The following HS3ST4 variants were observed in gnomAD, a reference collection of about 807,000 sequenced individuals.
The protein encoded by HS3ST4 is heparan sulfate-glucosamine 3-sulfotransferase 4.
A neutral mutation model predicts 29.2 loss-of-function variants in HS3ST4; 17 were observed. The observed-to-expected ratio is 0.58, with a 90% CI of 0.40 to 0.87. The LOEUF (loss-of-function observed/expected upper bound fraction) is 0.87. HS3ST4 is among the 40% of genes least tolerant of loss of function. The pLI is 0.00. For synonymous variants in HS3ST4, 314 were observed against 285.7 expected (o/e 1.10, Z -1.00); for missense variants, 627 against 634.5 (o/e 0.99, Z 0.13).
intron 1 of HS3ST4, among the ~76,000 whole-genome samples, chr16:26,108,780 C>T (rs1365754146): frequency 6.6e-6 from 1 of 152,178 alleles, no homozygotes; most frequent in East Asian, 1.9e-4. Flanking sequence ...GCTAGGAACT[C>T]CTTGATGACA....
chr16:25,786,474 T>A (rs1480693792), intron 1 of HS3ST4, among the ~76,000 whole-genome samples: 1 of 152,202 alleles, frequency 6.6e-6, no homozygotes, highest in Admixed American at 6.5e-5. Flanking sequence ...GTTACCAAGA[T>A]CATTATCATT....
chr16:25,763,360 G>C (rs1305953615), intron 1 of HS3ST4, among the ~76,000 whole-genome samples: 1 of 152,178 alleles, frequency 6.6e-6, no homozygotes, highest in Non-Finnish European at 1.5e-5. Context: ...TGTCTCCCAA[G>C]TCTCCCCCTA....
intron 1 of HS3ST4, among the ~76,000 whole-genome samples, chr16:25,946,950 A>G (rs1968632279): frequency 6.6e-6 from 1 of 152,196 alleles, no homozygotes; most frequent in Non-Finnish European, 1.5e-5. Context: ...ATAACACCCA[A>G]TGTCCCAATG....
chr16:25,885,181 A>G (rs1354361792), intron 1 of HS3ST4, among the ~76,000 whole-genome samples: 1 of 152,208 alleles, frequency 6.6e-6, no homozygotes, highest in Non-Finnish European at 1.5e-5. Flanking sequence ...AAGTACCTTT[A>G]ATGTTTAGCT....
At chr16:26,072,884 G>A (rs1039473474) in intron 1 of HS3ST4, among the ~76,000 whole-genome samples, 2 of 152,146 alleles carry the variant, frequency 1.3e-5, no homozygotes, top group African/African-American at 4.8e-5. Flanking sequence ...TGATTCTGAC[G>A]ACTTGTTCAT....
intron 1 of HS3ST4, among the ~76,000 whole-genome samples, chr16:25,923,470 T>G (rs953707007): frequency 1.3e-5 from 2 of 152,228 alleles, no homozygotes; most frequent in Non-Finnish European, 1.5e-5. Flanking sequence ...TTGAGGCATC[T>G]ATCAAAAAGG....
At chr16:26,107,248 A>G (rs751419495) in intron 1 of HS3ST4, among the ~76,000 whole-genome samples, 4 of 151,822 alleles carry the variant, frequency 2.6e-5, no homozygotes, top group Non-Finnish European at 4.4e-5. Context: ...TTAACACAAA[A>G]CTACACACAC....
intron 1 of HS3ST4, among the ~76,000 whole-genome samples, chr16:25,974,028 C>T (rs1033633829): frequency 6.6e-6 from 1 of 152,188 alleles, no homozygotes; most frequent in Non-Finnish European, 1.5e-5. Context: ...TAAGCAGGGG[C>T]AGGTCACACT....
chr16:25,991,691 T>C (rs1489627477), intron 1 of HS3ST4, among the ~76,000 whole-genome samples: 4 of 152,196 alleles, frequency 2.6e-5, no homozygotes, highest in Admixed American at 1.3e-4. Flanking sequence ...CTCATGAGAC[T>C]GGCTAAAATT....
intron 1 of HS3ST4, among the ~76,000 whole-genome samples, chr16:26,027,356 C>T (rs1236424896): frequency 2.0e-5 from 3 of 152,178 alleles, no homozygotes; most frequent in Non-Finnish European, 2.9e-5. Flanking sequence ...GAACTACTTA[C>T]ATTCCATCTT....
chr16:25,988,060 C>G (rs1348370129), intron 1 of HS3ST4, among the ~76,000 whole-genome samples: 1 of 152,082 alleles, frequency 6.6e-6, no homozygotes, highest in Non-Finnish European at 1.5e-5. Context: ...TGAGCCACCG[C>G]TCCTGGCCAA....
intron 1 of HS3ST4, among the ~76,000 whole-genome samples, chr16:25,763,532 C>T (rs1015374858): frequency 1.2e-4 from 19 of 152,138 alleles, no homozygotes; most frequent in Admixed American, 7.2e-4. Context: ...GTGATGGGTG[C>T]TGGGATGTAA....
chr16:25,938,872 T>G (rs985353592), intron 1 of HS3ST4, among the ~76,000 whole-genome samples: 1 of 152,224 alleles, frequency 6.6e-6, no homozygotes, highest in African/African-American at 2.4e-5. Flanking sequence ...CTTCTCACCT[T>G]TGCAGTTCAC....
intron 1 of HS3ST4, among the ~76,000 whole-genome samples, chr16:25,831,277 T>A (rs1314182975): frequency 1.3e-5 from 2 of 152,108 alleles, no homozygotes; most frequent in Admixed American, 6.6e-5. Context: ...CTTACTTGCA[T>A]ACTGACCGGG....
chr16:25,829,383 G>A (rs528990946), intron 1 of HS3ST4, among the ~76,000 whole-genome samples: 15 of 152,318 alleles, frequency 9.8e-5, no homozygotes, highest in African/African-American at 3.6e-4. Flanking sequence ...GAAGCCAAGA[G>A]TATTTAAAAT....
intron 1 of HS3ST4, among the ~76,000 whole-genome samples, chr16:25,796,336 C>T (rs1567241798): frequency 6.6e-6 from 1 of 152,108 alleles, no homozygotes; most frequent in Non-Finnish European, 1.5e-5. Flanking sequence ...TCCCAGCTGC[C>T]TCTTAAACTC....
chr16:26,013,063 T>A lies in HS3ST4; in HGVS notation c.735-122549T>A, dbSNP rs566030379. ...CTGTAATCCCAGCTACTCGGGAGGC[T>A]GAGGCAAGAGAATCGCTTGAACTCA... On this transcript the variant is annotated intron_variant, in intron 1 of 1. Transcript: ENST00000331351. 5.3e-5 allele frequency among the ~76,000 whole-genome samples: 8 copies of A among 152,206 alleles called. 1 individual carries two copies. The South Asian group carries it at 1.7e-3, about 32-fold the overall frequency.
intron 1 of HS3ST4, among the ~76,000 whole-genome samples, chr16:25,815,859 C>A (rs954499710): frequency 1.3e-5 from 2 of 152,204 alleles, no homozygotes; most frequent in African/African-American, 2.4e-5. Flanking sequence ...AAACTTTCCA[C>A]TGCTCCCTGA....
intron 1 of HS3ST4, among the ~76,000 whole-genome samples, chr16:25,743,407 T>A (rs1183556129): frequency 2.0e-5 from 3 of 152,202 alleles, no homozygotes. Flanking sequence ...ATGTTAGGTA[T>A]TTATTTTGGG....
Sources: allele counts gnomAD v4.1 joint callset (sites outside exome capture counted in the v4.1 genomes callset), GRCh38; gene constraint gnomAD v4.1.1; transcripts MANE v1.5; gene names NCBI Gene and HGNC (gene_info 2026-07-23, HGNC 2026-07-21).